ZBTB20: variants seen among roughly 807,000 people sequenced by gnomAD.
The protein encoded by ZBTB20 is zinc finger and BTB domain containing 20, also known as zinc finger and BTB domain-containing protein 20.
In ZBTB20, 9 loss-of-function variants were observed where a neutral mutation model predicts 56.9. That is an observed-to-expected ratio of 0.16 (90% CI 0.10 to 0.28). ZBTB20 has a LOEUF of 0.28. Among genes scored for constraint, ZBTB20 ranks in the 10% least tolerant of loss-of-function variants. The pLI, the probability that ZBTB20 is intolerant of heterozygous loss-of-function variation, is 1.00. For synonymous variants in ZBTB20, 417 were observed against 420.7 expected (o/e 0.99, Z 0.11); for missense variants, 655 against 1,003.0 (o/e 0.65, Z 4.69).
chr3:114,615,756 C>G (rs543573412), intron 6 of ZBTB20, among the ~76,000 whole-genome samples: 1 of 152,176 alleles, frequency 6.6e-6, no homozygotes, highest in African/African-American at 2.4e-5. Context: ...TTTATAGACA[C>G]AAAGATAGAA....
At chr3:115,032,974 AAAAC>A (rs1450775335) in intron 2 of ZBTB20, among the ~76,000 whole-genome samples, 5 of 149,910 alleles carry the variant, frequency 3.3e-5, no homozygotes, top group Admixed American at 3.3e-4. Context: ...AAAAAAAAAA[AAAAC>A]AAACTAAACC....
At chr3:114,685,661 A>C (rs2062288333) in intron 6 of ZBTB20, among the ~76,000 whole-genome samples, 1 of 152,176 alleles carries the variant, frequency 6.6e-6, no homozygotes, top group African/African-American at 2.4e-5. Context: ...GTTAATTAAA[A>C]ACTTTTGATG....
At chr3:114,490,007 C>T (rs2042559461) in intron 7 of ZBTB20, among the ~76,000 whole-genome samples, 4 of 152,132 alleles carry the variant, frequency 2.6e-5, no homozygotes, top group Admixed American at 2.6e-4. Flanking sequence ...CTTGCATTAC[C>T]AGCACCTGGA....
intron 5 of ZBTB20, among the ~76,000 whole-genome samples, chr3:114,749,128 C>G (rs1296565107): frequency 1.3e-5 from 2 of 152,100 alleles, no homozygotes; most frequent in Admixed American, 6.5e-5. Context: ...TCCTCCAAAA[C>G]CAAAGGGAAA....
chr3:114,908,199 A>G (rs1475986845), intron 3 of ZBTB20, among the ~76,000 whole-genome samples: 1 of 152,034 alleles, frequency 6.6e-6, no homozygotes, highest in African/African-American at 2.4e-5. Flanking sequence ...CTTTTCTTTA[A>G]AATGTCAGGC....
chr3:114,979,365 A>C (rs1187632827), intron 2 of ZBTB20, among the ~76,000 whole-genome samples: 2 of 152,044 alleles, frequency 1.3e-5, no homozygotes, highest in Non-Finnish European at 2.9e-5. Flanking sequence ...ATTTCAATTA[A>C]GTAAAAGTTT....
At chr3:115,074,252 T>C (rs891330442) in intron 1 of ZBTB20, among the ~76,000 whole-genome samples, 1 of 152,156 alleles carries the variant, frequency 6.6e-6, no homozygotes, top group African/African-American at 2.4e-5. Flanking sequence ...TCTTTCACAG[T>C]GTGGCACAGA....
rs1254924801 is a variant in ZBTB20 at position 114,350,988 on chromosome 3, C to T, written c.1090G>A (p.Glu364Lys). 3 of 1,609,332 alleles carry T rather than the reference C, an allele frequency of 1.9e-6. No individual in the cohort carries two copies. The highest frequency in any genetic ancestry group is 1.7e-6 in the Non-Finnish European group (2 of 1,179,948). Reference protein sequence around the residue: ...EECTEDTDQAEGTESEPKGES... With the variant: ...EECTEDTDQAKGTESEPKGES... The stretch of plus-strand genomic sequence containing the variant: ...CCTTTGGGCTCACTCTCGGTGCCCT[C>T]GGCCTGGTCTGTGTCTTCCGTGCAC... The change falls in exon 11 of 12, where the codon GAG becomes AAG. Residue 364 changes from glutamate to lysine, a missense_variant. This residue lies in a region of ZBTB20 where 156 missense variants were observed against 181.0 expected (regional missense o/e 0.86). Transcript: ENST00000675478.
In ZBTB20 at chr3:114,328,808, G is replaced by C. The variant is rs2108030879; in HGVS notation, c.*10197C>G. 6.6e-6 allele frequency: 1 copy of C among 152,244 alleles called. No individual in the cohort carries two copies. Among genetic ancestry groups the C allele is most frequent in the Non-Finnish European group, 1.5e-5 (1 of 67,994 alleles). The allele number at this position is 152,244 out of a possible 1,614,324, so 9.4% of individuals were successfully genotyped here. ...GAACAGTTAGGGGTCACAATTATTA[G>C]AGTTTTGGGGGCAGTAATGAAGACA... is the stretch of plus-strand genomic sequence containing the variant. On this transcript the variant is annotated 3_prime_UTR_variant, in exon 12 of 12. Coordinates refer to ENST00000675478, the MANE Select transcript of ZBTB20 (RefSeq NM_001348800.3).
At chr3:114,807,988 T>G (rs2072242580) in intron 4 of ZBTB20, among the ~76,000 whole-genome samples, 1 of 152,068 alleles carries the variant, frequency 6.6e-6, no homozygotes, top group Non-Finnish European at 1.5e-5. Flanking sequence ...TTGCTCTCAG[T>G]GTAATATTGT....
At chr3:114,838,258 T>C (rs1523266) in intron 4 of ZBTB20, among the ~76,000 whole-genome samples, 125,652 of 152,136 alleles carry the variant, frequency 0.83, 54,369 homozygotes, top group East Asian at 0.98. Flanking sequence ...CATGTTTTTA[T>C]AATGATGGTA....
At chr3:114,679,072 C>G (rs1015667839) in intron 6 of ZBTB20, among the ~76,000 whole-genome samples, 1 of 152,132 alleles carries the variant, frequency 6.6e-6, no homozygotes, top group African/African-American at 2.4e-5. Context: ...GGAAAACTGG[C>G]TAGTCATATG....
At chr3:114,996,815 G>C (rs2079046605) in intron 2 of ZBTB20, among the ~76,000 whole-genome samples, 1 of 151,882 alleles carries the variant, frequency 6.6e-6, no homozygotes, top group East Asian at 1.9e-4. Flanking sequence ...ATCAGAGAGT[G>C]GGTGAAGGAT....
chr3:114,675,856 C>A (rs2061596672), intron 6 of ZBTB20, among the ~76,000 whole-genome samples: 2 of 152,082 alleles, frequency 1.3e-5, no homozygotes, highest in Admixed American at 1.3e-4. Flanking sequence ...TCACCAACAA[C>A]AACAGCAGTA....
intron 4 of ZBTB20, among the ~76,000 whole-genome samples, chr3:114,888,972 C>G (rs2076708033): frequency 6.6e-6 from 1 of 151,876 alleles, no homozygotes; most frequent in Non-Finnish European, 1.5e-5. Flanking sequence ...AAGTCATAAC[C>G]TGTGGTATAA....
At position 114,956,231 on chromosome 3, in the gene ZBTB20, C is replaced by T. The variant is rs1490752659; in HGVS notation, c.-456+18135G>A. Among the ~76,000 whole-genome samples the T allele has an allele frequency of 2.0e-5, 3 of 152,102 alleles. No homozygotes were observed. The East Asian group carries it at 5.8e-4, about 29-fold the overall frequency. ...GGTTATTTTCCAATTGTCACTGGGACAACACAACAAAAGCAGGGGACAAAG... is the reference window on the plus strand; with the variant it reads ...GGTTATTTTCCAATTGTCACTGGGATAACACAACAAAAGCAGGGGACAAAG... On this transcript the variant is annotated intron_variant, in intron 3 of 11. Coordinates refer to ENST00000675478, the MANE Select transcript of ZBTB20 (RefSeq NM_001348800.3).
At chr3:114,597,632 C>T (rs1436555290) in intron 6 of ZBTB20, among the ~76,000 whole-genome samples, 2 of 152,098 alleles carry the variant, frequency 1.3e-5, no homozygotes, top group African/African-American at 4.8e-5. Context: ...TTCAAAAGCA[C>T]ATGGGTAAGT....
chr3:114,493,964 A>G (rs1290961664), intron 7 of ZBTB20, among the ~76,000 whole-genome samples: 1 of 152,196 alleles, frequency 6.6e-6, no homozygotes, highest in African/African-American at 2.4e-5. Context: ...CTTTTAAGAC[A>G]TAGTCCTGGA....
chr3:114,325,800 G>A lies in ZBTB20; in HGVS notation c.*13205C>T, dbSNP rs2079044913. The A allele has an allele frequency of 6.6e-6, 1 of 152,168 alleles. No homozygotes were observed. The highest frequency in any genetic ancestry group is 6.6e-5 in the Admixed American group (1 of 15,266). 9.4% of individuals were successfully genotyped at this position (152,168 alleles called of 1,614,324 possible). Reference sequence around the variant, plus strand: ...AGCACAAAAGAAAGGTTACAAAAACGTTGTCAGGCTATCTGTTAATCGAGT... The same window carrying A: ...AGCACAAAAGAAAGGTTACAAAAACATTGTCAGGCTATCTGTTAATCGAGT... On this transcript the variant is annotated 3_prime_UTR_variant, in exon 12 of 12. Transcript: ENST00000675478.
Sources: allele counts gnomAD v4.1 joint callset (sites outside exome capture counted in the v4.1 genomes callset), GRCh38; gene constraint gnomAD v4.1.1; regional missense constraint gnomAD v4.1.1; transcripts MANE v1.5; gene names NCBI Gene and HGNC (gene_info 2026-07-23, HGNC 2026-07-21).